Variants in MED9 observed in about 807,000 individuals in gnomAD.
MED9 encodes the protein mediator of RNA polymerase II transcription subunit 9.
A neutral mutation model predicts 13.2 loss-of-function variants in MED9; 8 were observed. The observed-to-expected ratio is 0.61, with a 90% CI of 0.36 to 1.10. The LOEUF is 1.10. Among genes scored for constraint, MED9 ranks in the 50% least tolerant of loss-of-function variants. The pLI is 0.02. For missense variants in MED9, 180 were observed against 193.4 expected (o/e 0.93, Z 0.41); for synonymous variants, 87 against 82.8 (o/e 1.05, Z -0.28).
intron 1 of MED9, chr17:17,485,592 G>A: frequency 2.8e-6 from 1 of 355,358 alleles, no homozygotes; most frequent in Non-Finnish European, 5.0e-6. Flanking sequence ...AGCGTGGCCA[G>A]TAGAGTGTGT....
chr17:17,480,861 A>G (rs1905022229), intron 1 of MED9, among the ~76,000 whole-genome samples: 1 of 152,074 alleles, frequency 6.6e-6, no homozygotes, highest in Admixed American at 6.5e-5. Context: ...TGAGGGAGGA[A>G]TAAGGGCAGA....
At chr17:17,482,050 C>T (rs1432648860) in intron 1 of MED9, among the ~76,000 whole-genome samples, 1 of 152,210 alleles carries the variant, frequency 6.6e-6, no homozygotes, top group Non-Finnish European at 1.5e-5. Context: ...TCTCCCTTCA[C>T]TCCTCCCAGC....
At chr17:17,479,941 A>G (rs1905002321) in intron 1 of MED9, among the ~76,000 whole-genome samples, 1 of 152,172 alleles carries the variant, frequency 6.6e-6, no homozygotes, top group African/African-American at 2.4e-5. Context: ...CAGGAACTCT[A>G]GTGCAAGGAC....
rs759749097 is a variant in MED9, at chr17:17,491,865, C to T, written c.*370C>T. 15 of 297,108 alleles carry T rather than the reference C, an allele frequency of 5.0e-5. No individual in the cohort carries two copies. The highest frequency in any genetic ancestry group is 3.7e-4 in the Admixed American group (8 of 21,880). The allele number at this position is 297,108 out of a possible 1,614,324, so 18.4% of individuals were successfully genotyped here. On this transcript the variant is annotated 3_prime_UTR_variant, in exon 2 of 2. Transcript: ENST00000268711. The stretch of plus-strand genomic sequence containing the variant: ...CTGAAGAGCACAGTAGGAAGGGAGG[C>T]GGCTCCTCTTTGCTTCCTTCCCTCT...
At chr17:17,484,366 TG>T (rs1267942051) in intron 1 of MED9, among the ~76,000 whole-genome samples, 1 of 152,252 alleles carries the variant, frequency 6.6e-6, no homozygotes, top group African/African-American at 2.4e-5. Flanking sequence ...GCACGCTGTC[TG>T]GCCCCTCCAG....
At chr17:17,489,694 C>G (rs1398741664) in intron 1 of MED9, among the ~76,000 whole-genome samples, 1 of 152,180 alleles carries the variant, frequency 6.6e-6, no homozygotes, top group Non-Finnish European at 1.5e-5. Context: ...CTCATGAATA[C>G]CAGTTCATCC....
intron 1 of MED9, among the ~76,000 whole-genome samples, chr17:17,480,245 AC>A (rs1905009516): frequency 6.6e-6 from 1 of 152,018 alleles, no homozygotes; most frequent in Non-Finnish European, 1.5e-5. Context: ...CTGAAGAGAG[AC>A]ACCACCCGAG....
rs111674818 is a variant in MED9 at position 17,483,722 on chromosome 17, A to G, written c.224+6457A>G. Among the ~76,000 whole-genome samples the G allele has an allele frequency of 6.6e-5, 10 of 152,266 alleles. No individual in the cohort carries two copies. The highest frequency in any genetic ancestry group is 2.4e-4 in the African/African-American group (10 of 41,540). Reference sequence around the variant, plus strand: ...GGGAGGCCGAGGCGGGTGGATCACGAGGTCAGGAGATCGAGACCATCCTGG... The same window carrying G: ...GGGAGGCCGAGGCGGGTGGATCACGGGGTCAGGAGATCGAGACCATCCTGG... On this transcript the variant is annotated intron_variant, in intron 1 of 1. Transcript: ENST00000268711. The surrounding 1 kb of genome is among the most constrained non-coding windows in gnomAD (Gnocchi z 4.2).
At position 17,493,123 on chromosome 17, in the gene MED9, G is replaced by A. The variant is rs1428552744; in HGVS notation, c.*1628G>A. The A allele has an allele frequency of 6.6e-6, 1 of 152,194 alleles. No individual in the cohort carries two copies. Among genetic ancestry groups the A allele is most frequent in the South Asian group, 2.1e-4 (1 of 4,830 alleles). The allele number at this position is 152,194 out of a possible 1,614,324, so 9.4% of individuals were successfully genotyped here. ...GCTGAAATGGACAAGGGCTCCTCAC[G>A]GGGGTGGAGGGAGCCGGAGCCTGCC... On this transcript the variant is annotated 3_prime_UTR_variant, in exon 2 of 2. Transcript: ENST00000268711.
intron 1 of MED9, chr17:17,485,781 C>G (rs1157293709): frequency 6.3e-6 from 1 of 159,954 alleles, no homozygotes; most frequent in African/African-American, 2.4e-5. Context: ...AGTGGATGAA[C>G]ACGTTCTGGG....
chr17:17,490,513 C>T (rs1228180038), intron 1 of MED9, among the ~76,000 whole-genome samples: 2 of 152,156 alleles, frequency 1.3e-5, no homozygotes, highest in Non-Finnish European at 1.5e-5. Context: ...GTTCTTGCCT[C>T]GTTTTTCATT....
intron 1 of MED9, among the ~76,000 whole-genome samples, chr17:17,481,490 G>A (rs1905033044): frequency 6.6e-6 from 1 of 152,202 alleles, no homozygotes; most frequent in Non-Finnish European, 1.5e-5. Flanking sequence ...TGTAGTAACT[G>A]CTGTTAATAC....
At chr17:17,482,685 G>C (rs918090048) in intron 1 of MED9, among the ~76,000 whole-genome samples, 2 of 152,102 alleles carry the variant, frequency 1.3e-5, no homozygotes, top group Non-Finnish European at 2.9e-5. Flanking sequence ...ACTTAGAAAG[G>C]CTTTCCCACT....
chr17:17,485,098 A>AG, intron 1 of MED9: 1 of 307,954 alleles, frequency 3.2e-6, no homozygotes, highest in Non-Finnish European at 5.9e-6. Flanking sequence ...TCTGGCTCCC[A>AG]GGTTCACTTG....
rs1905061616 is a variant in MED9, at chr17:17,483,189, A to G, written c.224+5924A>G. Among the ~76,000 whole-genome samples the G allele has an allele frequency of 6.6e-6, 1 of 152,174 alleles. No homozygotes were observed. On this transcript the variant is annotated intron_variant, in intron 1 of 1. Coordinates refer to ENST00000268711, the MANE Select transcript of MED9 (RefSeq NM_018019.3). The surrounding 1 kb of genome is among the most constrained non-coding windows in gnomAD (Gnocchi z 4.2). ...TCGTTGAGCCTCGCTTTTGAGTATTATAATCAGCATTTAATTAGTCTCTTT... is the reference window on the plus strand; with the variant it reads ...TCGTTGAGCCTCGCTTTTGAGTATTGTAATCAGCATTTAATTAGTCTCTTT...
Position 17,491,733 on chromosome 17 carries a change from C to T in MED9, c.*238C>T. On this transcript the variant is annotated 3_prime_UTR_variant, in exon 2 of 2. Transcript: ENST00000268711. ...GTCTAGATGCATAATAACTGGAGTG[C>T]CTGCTGGTGGAAGTCAGAATGCTCC... 4 of 513,558 alleles carry T rather than the reference C, an allele frequency of 7.8e-6. No homozygotes were observed. The highest frequency in any genetic ancestry group is 4.2e-5 in the South Asian group (2 of 47,944). The allele number at this position is 513,558 out of a possible 1,614,324, so 31.8% of individuals were successfully genotyped here.
chr17:17,487,332 G>A (rs1404756456), intron 1 of MED9: 1 of 152,750 alleles, frequency 6.5e-6, no homozygotes, highest in Non-Finnish European at 1.5e-5. Context: ...TCCATGCTGT[G>A]GAAGCTTTGT....
chr17:17,489,490 A>T (rs546524639), intron 1 of MED9, among the ~76,000 whole-genome samples: 1 of 152,250 alleles, frequency 6.6e-6, no homozygotes, highest in South Asian at 2.1e-4. Context: ...CGGTTTTTTT[A>T]AAAACTATAT....
intron 1 of MED9, chr17:17,488,427 C>G (rs1431557764): frequency 6.6e-6 from 1 of 152,282 alleles, no homozygotes; most frequent in Non-Finnish European, 1.5e-5. Context: ...GCCTAAAACC[C>G]TGTGATGTTT....
Sources: gnomAD v4.1 joint callset for allele counts (sites outside exome capture counted in the v4.1 genomes callset) on GRCh38, gnomAD v4.1.1 for gene constraint, Gnocchi (gnomAD v3.1) non-coding constraint, MANE v1.5 for transcripts, NCBI Gene and HGNC (gene_info 2026-07-23, HGNC 2026-07-21) for gene names.